ST8SIA6: variants seen among roughly 807,000 people sequenced by gnomAD.
ST8SIA6 encodes alpha-2,8-sialyltransferase 8F.
In ST8SIA6, 39 loss-of-function variants were observed where a neutral mutation model predicts 33.6. That is an observed-to-expected ratio of 1.16 (90% CI 0.90 to 1.52). The LOEUF is 1.52. Among genes scored for constraint, ST8SIA6 ranks in the 40% most tolerant of loss-of-function variants. ST8SIA6 has a pLI of 0.00. For missense variants in ST8SIA6, 441 were observed against 443.8 expected, an observed-to-expected ratio of 0.99 and a Z score of 0.06; for synonymous variants, 172 against 167.2, an observed-to-expected ratio of 1.03 and a Z score of -0.22.
intron 2 of ST8SIA6, among the ~76,000 whole-genome samples, chr10:17,446,597 G>T (rs549205605): frequency 3.3e-5 from 5 of 152,222 alleles, no homozygotes; most frequent in Admixed American, 2.0e-4. Context: ...AATTTGAGAA[G>T]CCATCCCAGA....
intron 7 of ST8SIA6, 77 bp downstream of exon 7, chr10:17,322,988 A>G (rs1321925356): frequency 8.3e-6 from 11 of 1,332,538 alleles, no homozygotes; most frequent in Non-Finnish European, 1.2e-5. Context: ...CAGCAACAAG[A>G]TTAGTGCTTA....
intron 7 of ST8SIA6, 100 bp downstream of exon 7, chr10:17,322,965 T>G: frequency 9.3e-7 from 1 of 1,080,232 alleles, no homozygotes; most frequent in Non-Finnish European, 1.3e-6. Flanking sequence ...CCACCTGTAC[T>G]GCAAGTCAGT....
At chr10:17,371,322 G>A (rs1223331426) in intron 3 of ST8SIA6, among the ~76,000 whole-genome samples, 1 of 152,186 alleles carries the variant, frequency 6.6e-6, no homozygotes, top group Non-Finnish European at 1.5e-5. Flanking sequence ...AATCTGCAAA[G>A]AGGTTCAGGT....
chr10:17,445,647 A>G (rs1454906055), intron 2 of ST8SIA6, among the ~76,000 whole-genome samples: 2 of 152,222 alleles, frequency 1.3e-5, no homozygotes, highest in Non-Finnish European at 2.9e-5. Flanking sequence ...CTCTGTCCCC[A>G]GTGCCCCTTC....
rs571942530 is a variant in ST8SIA6 at position 17,410,663 on chromosome 10, A to G, written c.201-20043T>C. The G allele has an allele frequency of 2.6e-5, 4 of 152,318 alleles. No individual in the cohort carries two copies. In the South Asian group the frequency reaches 8.3e-4, roughly 32 times the overall value. 9.4% of individuals were successfully genotyped at this position (152,318 alleles called of 1,614,324 possible). A position where few individuals can be genotyped will look rare whatever the true frequency, so the allele number is the denominator to read the frequency against. On this transcript the variant is annotated intron_variant, in intron 2 of 7. Coordinates refer to ENST00000377602, the MANE Select transcript of ST8SIA6 (RefSeq NM_001004470.3). ...AGACAACTAAGCATGAGGTATTGCAAGATGGTAACTCATCCAGGGAAAATT... is the reference window on the plus strand; with the variant it reads ...AGACAACTAAGCATGAGGTATTGCAGGATGGTAACTCATCCAGGGAAAATT...
chr10:17,350,424 C>T (rs1848991207), intron 4 of ST8SIA6, among the ~76,000 whole-genome samples: 1 of 152,120 alleles, frequency 6.6e-6, no homozygotes, highest in South Asian at 2.1e-4. Flanking sequence ...ATTAAGAAAA[C>T]AGTGATCTAG....
intron 2 of ST8SIA6, among the ~76,000 whole-genome samples, chr10:17,399,859 A>T (rs757613850): frequency 1.3e-4 from 20 of 151,506 alleles, no homozygotes; most frequent in Non-Finnish European, 2.8e-4. Context: ...TGGAGACTGC[A>T]GTACGCTTTG....
chr10:17,405,885 A>C (rs1429518508), intron 2 of ST8SIA6, among the ~76,000 whole-genome samples: 2 of 98,728 alleles, frequency 2.0e-5, no homozygotes, highest in East Asian at 4.3e-4. Context: ...ACTCCATTTC[A>C]AAAAAAAAAA....
Position 17,447,112 on chromosome 10 carries a change from C to T in ST8SIA6, c.200+6447G>A, listed in dbSNP as rs139105458. Reference sequence around the variant, plus strand: ...ATGTATGAAAAATAAGAATTGTGGCCGGGAGCAGTAGCCCATGCCTGTAAT... The same window carrying T: ...ATGTATGAAAAATAAGAATTGTGGCTGGGAGCAGTAGCCCATGCCTGTAAT... On this transcript the variant is annotated intron_variant, in intron 2 of 7. Transcript: ENST00000377602. Among the ~76,000 whole-genome samples, 540 of 151,706 alleles carry T rather than the reference C, an allele frequency of 3.6e-3. 4 individuals carry two copies. The highest frequency in any genetic ancestry group is 0.012 in the African/African-American group (495 of 41,356).
chr10:17,334,151 A>G (rs780820719), intron 4 of ST8SIA6, among the ~76,000 whole-genome samples: 2 of 152,094 alleles, frequency 1.3e-5, no homozygotes, highest in Non-Finnish European at 2.9e-5. Context: ...GCTCATGAAT[A>G]TAACATTTTT....
intron 3 of ST8SIA6, among the ~76,000 whole-genome samples, chr10:17,372,219 G>T (rs1300028091): frequency 6.6e-6 from 1 of 152,186 alleles, no homozygotes; most frequent in Non-Finnish European, 1.5e-5. Flanking sequence ...GTACTGCTAC[G>T]TAAGATAATG....
intron 7 of ST8SIA6, among the ~76,000 whole-genome samples, 195 bp downstream of exon 7, chr10:17,322,870 T>G (rs956299720): frequency 6.6e-6 from 1 of 152,224 alleles, no homozygotes; most frequent in Non-Finnish European, 1.5e-5. Flanking sequence ...GAAGTACAAC[T>G]GAATCATAAC....
chr10:17,378,813 A>T (rs1284326725), intron 3 of ST8SIA6, among the ~76,000 whole-genome samples: 1 of 152,094 alleles, frequency 6.6e-6, no homozygotes, highest in Non-Finnish European at 1.5e-5. Context: ...CCAATGAGGG[A>T]ATTTAAGAAG....
At chr10:17,346,305 C>G (rs1181104712) in intron 4 of ST8SIA6, among the ~76,000 whole-genome samples, 3 of 152,158 alleles carry the variant, frequency 2.0e-5, no homozygotes, top group Non-Finnish European at 2.9e-5. Flanking sequence ...CTATGAAAGC[C>G]CTCCATTAAG....
At chr10:17,324,921 TATA>T (rs1160570607) in intron 6 of ST8SIA6, among the ~76,000 whole-genome samples, 1 of 146,206 alleles carries the variant, frequency 6.8e-6, no homozygotes. Context: ...ATATGTAATA[TATA>T]ATATGCATAC....
Position 17,321,092 on chromosome 10 carries a change from G to A in ST8SIA6, c.983C>T (p.Thr328Ile). Residue 328 changes from threonine (T) to isoleucine (I), a missense_variant, in exon 8 of 8, where the codon ACA becomes ATA. Transcript: ENST00000377602. ...TTTACACAGTTCCACTGCAACACTT[G>A]TGATCATCAAGCCGGTGGACAAGCG... ...AYRLSTGLMITSVAVELCKNV... is the reference protein window; with the variant it reads ...AYRLSTGLMIISVAVELCKNV... 1.2e-6 allele frequency: 2 copies of A among 1,614,098 alleles called. No homozygotes were observed. Among genetic ancestry groups the A allele is most frequent in the Non-Finnish European group, 1.7e-6 (2 of 1,179,998 alleles).
intron 4 of ST8SIA6, among the ~76,000 whole-genome samples, chr10:17,342,248 C>T (rs1016681406): frequency 6.6e-6 from 1 of 152,160 alleles, no homozygotes; most frequent in African/African-American, 2.4e-5. Context: ...ATGGGGCTTG[C>T]CCTCTGGGAG....
chr10:17,335,819 A>C (rs1848482155), intron 4 of ST8SIA6, among the ~76,000 whole-genome samples: 1 of 152,230 alleles, frequency 6.6e-6, no homozygotes, highest in Non-Finnish European at 1.5e-5. Flanking sequence ...TTTGAGAAAA[A>C]GCAACATAAT....
At chr10:17,356,180 TA>T (rs762718741) in intron 4 of ST8SIA6, among the ~76,000 whole-genome samples, 15 of 152,276 alleles carry the variant, frequency 9.9e-5, no homozygotes, top group Non-Finnish European at 1.9e-4. Context: ...ATTTCTTTAA[TA>T]TTTTTTTTTG....
Sources: gnomAD v4.1 joint callset for allele counts (sites outside exome capture counted in the v4.1 genomes callset) on GRCh38, gnomAD v4.1.1 for gene constraint, MANE v1.5 for transcripts, NCBI Gene and HGNC (gene_info 2026-07-23, HGNC 2026-07-21) for gene names.